CNOT10: variants seen among roughly 807,000 people sequenced by gnomAD.
The protein encoded by CNOT10 is CCR4-NOT transcription complex subunit 10.
Under a neutral mutation model 94.6 loss-of-function variants are expected in CNOT10, and 30 were observed. The observed-to-expected ratio is 0.32, with a 90% CI of 0.24 to 0.43. CNOT10 has a LOEUF of 0.43. Ranked by LOEUF, CNOT10 falls within the 20% of genes least tolerant of loss-of-function variation. The pLI, the probability that CNOT10 is intolerant of heterozygous loss-of-function variation, is 1.00. For synonymous variants in CNOT10, 289 were observed against 301.6 expected, an observed-to-expected ratio of 0.96 and a Z score of 0.43; for missense variants, 759 against 877.2, an observed-to-expected ratio of 0.87 and a Z score of 1.70.
At chr3:32,772,366 T>A (rs1449924832) in intron 18 of CNOT10, among the ~76,000 whole-genome samples, 1 of 149,942 alleles carries the variant, frequency 6.7e-6, no homozygotes, top group Non-Finnish European at 1.5e-5. Flanking sequence ...AAAAGGGACA[T>A]AAATGAAGTC....
At chr3:32,722,809 C>A (rs537346132) in intron 8 of CNOT10, among the ~76,000 whole-genome samples, 1 of 151,906 alleles carries the variant, frequency 6.6e-6, no homozygotes, top group East Asian at 1.9e-4. Context: ...CATGGAGAAA[C>A]CCCGTCTCTA....
chr3:32,735,775 C>T (rs555924460), intron 12 of CNOT10, among the ~76,000 whole-genome samples: 2 of 152,248 alleles, frequency 1.3e-5, no homozygotes, highest in South Asian at 2.1e-4. Flanking sequence ...TTATTATCCT[C>T]TGTCTATCCT....
At chr3:32,714,608 T>C (rs1698040486) in intron 5 of CNOT10, among the ~76,000 whole-genome samples, 1 of 151,892 alleles carries the variant, frequency 6.6e-6, no homozygotes, top group South Asian at 2.1e-4. Context: ...ACTCAGGAGG[T>C]TGAGGCACGA....
At chr3:32,728,502 A>G (rs561586491) in intron 10 of CNOT10, among the ~76,000 whole-genome samples, 1 of 152,044 alleles carries the variant, frequency 6.6e-6, no homozygotes, top group East Asian at 2.0e-4. Context: ...AGTCCCAGCT[A>G]TTCAAGAGGC....
chr3:32,705,249 A>C (rs1044286237), intron 3 of CNOT10, among the ~76,000 whole-genome samples: 1 of 152,196 alleles, frequency 6.6e-6, no homozygotes, highest in East Asian at 1.9e-4. Flanking sequence ...CTATATGAAG[A>C]AGCTTAGCTG....
chr3:32,767,144 C>G (rs1347791885), intron 17 of CNOT10, among the ~76,000 whole-genome samples: 1 of 152,174 alleles, frequency 6.6e-6, no homozygotes, highest in Non-Finnish European at 1.5e-5. Context: ...GGTACATTCT[C>G]CAGCAGCAGA....
intron 13 of CNOT10, among the ~76,000 whole-genome samples, chr3:32,747,307 A>G (rs112836691): frequency 0.039 from 5,967 of 151,782 alleles, 187 homozygotes; most frequent in Middle Eastern, 0.079. Context: ...AATCCCAGCT[A>G]TTAGGAGGCT....
intron 4 of CNOT10, among the ~76,000 whole-genome samples, chr3:32,712,407 A>G (rs1429127481): frequency 6.6e-6 from 1 of 152,066 alleles, no homozygotes; most frequent in Non-Finnish European, 1.5e-5. Context: ...CTTATCCAAA[A>G]TGCTTGGGAC....
At chr3:32,744,770 C>G (rs924796048) in intron 13 of CNOT10, among the ~76,000 whole-genome samples, 1 of 152,040 alleles carries the variant, frequency 6.6e-6, no homozygotes, top group African/African-American at 2.4e-5. Context: ...GTTCTAGGGC[C>G]CCCAACAGAT....
In CNOT10 at chr3:32,727,664, C is replaced by T. The variant is rs1003615918; in HGVS notation, c.1013-4C>T. The stretch of plus-strand genomic sequence containing the variant: ...ATGTATTCTTATCTAATTTTTATCA[C>T]TAGGTAAAAAATTTTCAGGAAGACC... On this transcript the variant is annotated splice_polypyrimidine_tract_variant and splice_region_variant and intron_variant, in intron 9 of 18. Coordinates refer to ENST00000328834, the MANE Select transcript of CNOT10 (RefSeq NM_015442.3). 6 of 1,581,954 alleles carry T rather than the reference C, an allele frequency of 3.8e-6. No individual in the cohort carries two copies. The highest frequency in any genetic ancestry group is 5.2e-6 in the Non-Finnish European group (6 of 1,151,472).
intron 14 of CNOT10, 81 bp from the exon 15 acceptor site, chr3:32,762,652 A>T (rs969114988): frequency 1.4e-6 from 2 of 1,380,954 alleles, no homozygotes; most frequent in Non-Finnish European, 9.9e-7. Flanking sequence ...GTATAATAAC[A>T]TAATATACCC....
chr3:32,712,572 C>G (rs1262253339), intron 4 of CNOT10, among the ~76,000 whole-genome samples: 2 of 152,130 alleles, frequency 1.3e-5, no homozygotes, highest in Non-Finnish European at 2.9e-5. Flanking sequence ...TGAGGCTGGA[C>G]ACAGTGGCTC....
intron 17 of CNOT10, chr3:32,769,253 GA>G (rs1700794206): frequency 6.6e-6 from 1 of 152,372 alleles, no homozygotes; most frequent in Non-Finnish European, 1.5e-5. Context: ...GTAGCTCAAA[GA>G]GGCCCAGACT....
chr3:32,730,523 C>G (rs1190154144), intron 10 of CNOT10: 2 of 151,930 alleles, frequency 1.3e-5, no homozygotes, highest in Non-Finnish European at 2.9e-5. Flanking sequence ...TGCTTTTCCT[C>G]CTCCTAAAAA....
intron 13 of CNOT10, among the ~76,000 whole-genome samples, chr3:32,743,589 G>A (rs1296357170): frequency 2.6e-5 from 4 of 152,224 alleles, no homozygotes; most frequent in South Asian, 2.1e-4. Context: ...AGCCGAGATC[G>A]TGCCACTATA....
intron 13 of CNOT10, among the ~76,000 whole-genome samples, chr3:32,743,340 A>G (rs754311389): frequency 1.6e-4 from 24 of 151,756 alleles, no homozygotes; most frequent in Non-Finnish European, 3.2e-4. Context: ...TAAGAAGTAT[A>G]TTGTTTCTGC....
At chr3:32,737,526 G>A (rs373847221) in intron 13 of CNOT10, 36 bp downstream of exon 13, 2 of 1,342,548 alleles carry the variant, frequency 1.5e-6, no homozygotes, top group Non-Finnish European at 2.1e-6. Context: ...TGCATCTATT[G>A]AAATGAACAT....
chr3:32,724,901 T>C (rs1222794855), intron 8 of CNOT10, among the ~76,000 whole-genome samples: 1 of 152,252 alleles, frequency 6.6e-6, no homozygotes, highest in Non-Finnish European at 1.5e-5. Flanking sequence ...TCACTTAATA[T>C]GCTTTGGTTG....
In CNOT10 at chr3:32,691,428, T is replaced by C. The variant is rs1455567561; in HGVS notation, c.22+5946T>C. On this transcript the variant is annotated intron_variant, in intron 1 of 18. Transcript: ENST00000328834. The stretch of plus-strand genomic sequence containing the variant: ...CACCCACCTCGACCTCCCAAAGTGC[T>C]GGGATTAACAGACGTGAGCCACTGT... 3.9e-5 allele frequency among the ~76,000 whole-genome samples: 6 copies of C among 151,998 alleles called. No individual in the cohort carries two copies. The East Asian group carries it at 9.7e-4, about 25-fold the overall frequency.
Sources: allele counts gnomAD v4.1 joint callset (sites outside exome capture counted in the v4.1 genomes callset), GRCh38; gene constraint gnomAD v4.1.1; transcripts MANE v1.5; gene names NCBI Gene and HGNC (gene_info 2026-07-23, HGNC 2026-07-21).